The following HPS1 variants were observed in gnomAD, a reference collection of about 807,000 sequenced individuals.
HPS1 encodes HPS1 biogenesis of lysosomal organelles complex 3 subunit 1.
Under a neutral mutation model 90.6 loss-of-function variants are expected in HPS1, and 59 were observed. That is an observed-to-expected ratio of 0.65 (90% CI 0.53 to 0.81). The LOEUF (loss-of-function observed/expected upper bound fraction) is 0.81, where lower values mean the gene tolerates loss of function less well. Among genes scored for constraint, HPS1 ranks in the 30% least tolerant of loss-of-function variants. The probability of loss-of-function intolerance (pLI) is 0.00; values close to 1 mark genes in which losing one functional copy is unlikely to be tolerated. For synonymous variants in HPS1, 388 were observed against 384.4 expected (o/e 1.01, Z -0.11); for missense variants, 849 against 896.7 (o/e 0.95, Z 0.68).
Position 98,418,029 on chromosome 10 carries a change from A to C in HPS1, c.1940+146T>G, listed in dbSNP as rs942379106. On this transcript the variant is annotated intron_variant, in intron 19 of 19. Transcript: ENST00000361490. Reference sequence around the variant, plus strand: ...CCACACCCGTCCTCCCTCGCTGCACACAGGGCCAGCCGGGAAGGTGTTCCC... The same window carrying C: ...CCACACCCGTCCTCCCTCGCTGCACCCAGGGCCAGCCGGGAAGGTGTTCCC... 7.4e-6 allele frequency: 5 copies of C among 677,566 alleles called. No individual in the cohort carries two copies. In the Admixed American group the frequency reaches 9.3e-5, roughly 13 times the overall value. 42.0% of individuals were successfully genotyped at this position (677,566 alleles called of 1,614,324 possible). A position where few individuals can be genotyped will look rare whatever the true frequency, so the allele number is the denominator to read the frequency against.
rs886077189 is a variant in HPS1 at position 98,420,095 on chromosome 10, G to A, written c.1807C>T (p.Gln603Ter). The A allele has an allele frequency of 1.1e-5, 17 of 1,613,946 alleles. No individual in the cohort carries two copies. Among genetic ancestry groups the A allele is most frequent in the Non-Finnish European group, 1.4e-5 (17 of 1,179,928 alleles). ...LQKGYTTLLF[Q>*]EGDFYCSYFL... Reference sequence around the variant, plus strand: ...TAGGAGCAGTAGAAATCCCCCTCCTGGAACAGCAGCGTGGTGTAGCCCTTC... The same window carrying A: ...TAGGAGCAGTAGAAATCCCCCTCCTAGAACAGCAGCGTGGTGTAGCCCTTC... Residue 603 changes from glutamine to a stop codon, truncating the protein, a stop_gained, in exon 18 of 20, where the codon CAG becomes TAG. Coordinates refer to ENST00000361490, the MANE Select transcript of HPS1 (RefSeq NM_000195.5). LOFTEE classifies it high-confidence loss of function.
intron 16 of HPS1, among the ~76,000 whole-genome samples, chr10:98,423,279 A>ACGG (rs1554887468): frequency 7.6e-6 from 1 of 132,070 alleles, no homozygotes; most frequent in South Asian, 2.4e-4. Flanking sequence ...GACCACAGGA[A>ACGG]CCCCCCCCCC....
chr10:98,422,636 T>C (rs1472506821), intron 16 of HPS1, 123 bp from the exon 17 acceptor site: 2 of 975,022 alleles, frequency 2.1e-6, no homozygotes, highest in South Asian at 1.3e-5. Flanking sequence ...TCCAGCAGCT[T>C]CCATTTCAGC....
At chr10:98,420,451 C>A in intron 17 of HPS1, 1 of 375,370 alleles carries the variant, frequency 2.7e-6, no homozygotes, top group Middle Eastern at 9.2e-4. Flanking sequence ...TGGTGGCTTA[C>A]GCCTGTAATC....
At chr10:98,419,836 C>T (rs1844620923) in intron 18 of HPS1, among the ~76,000 whole-genome samples, 1 of 152,250 alleles carries the variant, frequency 6.6e-6, no homozygotes, top group Non-Finnish European at 1.5e-5. Flanking sequence ...CAAGAGTTTG[C>T]CAGACAGCTG....
Position 98,425,802 on chromosome 10 carries a change from T to C in HPS1, c.1155+16A>G. On this transcript the variant is annotated intron_variant, in intron 12 of 19. Coordinates refer to ENST00000361490, the MANE Select transcript of HPS1 (RefSeq NM_000195.5). ...AACCCTAAGCATCATCAGGGCAGGG[T>C]GAGGGGCTCTCCTACCCTGGTCAGG... is the stretch of plus-strand genomic sequence containing the variant. 6.2e-7 allele frequency: 1 copy of C among 1,610,320 alleles called. No individual in the cohort carries two copies. Among genetic ancestry groups the C allele is most frequent in the Non-Finnish European group, 8.5e-7 (1 of 1,177,994 alleles).
Position 98,424,267 on chromosome 10 carries a change from C to T in HPS1, c.1397+46G>A, listed in dbSNP as rs542116108. 2.1e-5 allele frequency: 30 copies of T among 1,404,600 alleles called. No individual in the cohort carries two copies. The South Asian group carries it at 2.2e-4, about 10-fold the overall frequency. The allele number at this position is 1,404,600 out of a possible 1,614,324, so 87.0% of individuals were successfully genotyped here. On this transcript the variant is annotated intron_variant, in intron 14 of 19. Coordinates refer to ENST00000361490, the MANE Select transcript of HPS1 (RefSeq NM_000195.5). The stretch of plus-strand genomic sequence containing the variant: ...GAGATGTGGCCTCCCAGGGAACAGT[C>T]CCCTGGGCACACGACCCACCCCTTG...
rs10636671 is a variant in HPS1, at chr10:98,423,279, AC to A, written c.1598+323del. On this transcript the variant is annotated intron_variant, in intron 16 of 19. Coordinates refer to ENST00000361490, the MANE Select transcript of HPS1 (RefSeq NM_000195.5). ...CTTTCAACCAAACTAGACCACAGGAACCCCCCCCCCGGTCCCCACCCCTCGT... is the reference window on the plus strand; with the variant it reads ...CTTTCAACCAAACTAGACCACAGGAACCCCCCCCCGGTCCCCACCCCTCGT... Among the ~76,000 whole-genome samples the A allele has an allele frequency of 2.3e-3, 302 of 131,882 alleles. 2 individuals carry two copies. Among genetic ancestry groups the A allele is most frequent in the East Asian group, 0.012 (51 of 4,310 alleles). 86.5% of individuals were successfully genotyped at this position (131,882 alleles called of 152,430 possible).
At chr10:98,431,346 C>T (rs1444758583) in intron 6 of HPS1, 55 bp from the exon 7 acceptor site, 4 of 1,576,132 alleles carry the variant, frequency 2.5e-6, no homozygotes, top group Admixed American at 3.4e-5. Flanking sequence ...TTGCCCCACT[C>T]CAAGCCCTGG....
In HPS1 at chr10:98,421,437, T is replaced by C. The variant is rs79546240; in HGVS notation, c.1743+932A>G. ...CAGGGAAATGGTTCAATAAATTATG[T>C]TACATTCACATGATGGACTATTATG... On this transcript the variant is annotated intron_variant, in intron 17 of 19. Transcript: ENST00000361490. 5.1e-3 allele frequency among the ~76,000 whole-genome samples: 778 copies of C among 152,334 alleles called. 9 individuals carry two copies. The highest frequency in any genetic ancestry group is 0.01 in the Middle Eastern group (3 of 294).
chr10:98,441,424 T>C (rs1042931385), intron 3 of HPS1, among the ~76,000 whole-genome samples: 2 of 152,136 alleles, frequency 1.3e-5, no homozygotes, highest in African/African-American at 2.4e-5. Flanking sequence ...ACTATAAAAC[T>C]TTCAAAAGAA....
rs139169204 is a variant in HPS1, at chr10:98,429,601, T to C, written c.909A>G (p.Pro303=). ...SFSLPEEYFT[P]APSPGDQSSG... is the part of the protein sequence containing the mutation. The stretch of plus-strand genomic sequence containing the variant: ...AGCTCTGATCGCCAGGGGAAGGAGC[T>C]GGTGTGAAGTACTCCTCAGGGAGGG... The change falls in exon 10 of 20, where the codon CCA becomes CCG. Residue 303 remains proline (P), a synonymous_variant. Transcript: ENST00000361490. 2.9e-5 allele frequency: 47 copies of C among 1,614,212 alleles called. 1 individual carries two copies. Among genetic ancestry groups the C allele is most frequent in the East Asian group, 6.7e-5 (3 of 44,882 alleles).
chr10:98,415,215 C>T (rs1843970014), downstream of HPS1: 8 of 1,522,546 alleles, frequency 5.3e-6, no homozygotes, highest in Middle Eastern at 3.5e-4. Context: ...CGGGGTGGAG[C>T]AGGGAGGAAG....
intron 17 of HPS1, 127 bp from the exon 18 acceptor site, chr10:98,420,285 C>G: frequency 2.7e-6 from 2 of 734,078 alleles, no homozygotes; most frequent in Non-Finnish European, 5.0e-6. Context: ...TCCTAGTACC[C>G]GGGCACTGCC....
At chr10:98,436,106 A>G (rs1480174511) in intron 3 of HPS1, among the ~76,000 whole-genome samples, 1 of 152,218 alleles carries the variant, frequency 6.6e-6, no homozygotes, top group East Asian at 1.9e-4. Flanking sequence ...ACCAAAGTCT[A>G]TGCTGTTTTT....
At chr10:98,427,350 G>T in intron 10 of HPS1, 86 bp from the exon 11 acceptor site, 1 of 1,177,778 alleles carries the variant, frequency 8.5e-7, no homozygotes, top group Non-Finnish European at 1.2e-6. Flanking sequence ...GGGCCCAGGT[G>T]CCCCCCACAA....
intron 6 of HPS1, among the ~76,000 whole-genome samples, chr10:98,433,075 T>C (rs61873918): frequency 0.13 from 19,479 of 151,640 alleles, 1,508 homozygotes; most frequent in South Asian, 0.22. Flanking sequence ...CTACTAAAAA[T>C]ACAAAAATTA....
chr10:98,426,414 G>T (rs1315855368), intron 11 of HPS1, among the ~76,000 whole-genome samples: 2 of 152,224 alleles, frequency 1.3e-5, no homozygotes, highest in African/African-American at 4.8e-5. Flanking sequence ...GGAAACTGAG[G>T]CATAAAGTGA....
At position 98,445,801 on chromosome 10, in the gene HPS1, C is replaced by T. The variant is rs114942140; in HGVS notation, c.-105-397G>A. On this transcript the variant is annotated intron_variant, in intron 1 of 19. Transcript: ENST00000361490. The surrounding 1 kb of genome is among the most constrained non-coding windows in gnomAD (Gnocchi z 4.5). The stretch of plus-strand genomic sequence containing the variant: ...AGGGAGTGGGGATCCTGGGATGATA[C>T]GATGAATGGAAGGAAACTAACAGGA... 0.013 allele frequency among the ~76,000 whole-genome samples: 1,985 copies of T among 152,192 alleles called. 48 individuals carry two copies. The highest frequency in any genetic ancestry group is 0.044 in the African/African-American group (1,821 of 41,540).
Sources: allele counts gnomAD v4.1 joint callset (sites outside exome capture counted in the v4.1 genomes callset), GRCh38; gene constraint gnomAD v4.1.1; non-coding constraint Gnocchi (gnomAD v3.1); transcripts MANE v1.5; gene names NCBI Gene and HGNC (gene_info 2026-07-23, HGNC 2026-07-21).